RYR2: variants seen among roughly 807,000 people sequenced by gnomAD.
RYR2 encodes the protein cardiac muscle ryanodine receptor-calcium release channel.
RYR2 carries 227 observed loss-of-function variants against 601.1 expected under a neutral mutation model. The observed-to-expected ratio is 0.38, with a 90% CI of 0.34 to 0.42. RYR2 has a LOEUF of 0.42. RYR2 is among the 10% of genes least tolerant of loss of function. The probability of loss-of-function intolerance (pLI) is 1.00; values close to 1 mark genes in which losing one functional copy is unlikely to be tolerated. For missense variants in RYR2, 4,646 were observed against 6,156.5 expected (o/e 0.75, Z 8.21); for synonymous variants, 2,223 against 2,175.1 (o/e 1.02, Z -0.61).
At chr1:237,517,502 A>G (rs1666665261) in intron 24 of RYR2, among the ~76,000 whole-genome samples, 1 of 152,172 alleles carries the variant, frequency 6.6e-6, no homozygotes, top group Non-Finnish European at 1.5e-5. Flanking sequence ...CTAAAACACA[A>G]ATCACAAAAA....
rs747893832 is a variant in RYR2, at chr1:237,500,830, G to T, written c.2323G>T (p.Val775Phe). The change falls in exon 21 of 105, where the codon GTT (valine) becomes TTT (phenylalanine). Residue 775 changes from valine (V) to phenylalanine (F), a missense_variant. Physicochemically the swap from Val to Phe is conservative, Grantham distance 50. Coordinates refer to ENST00000366574, the MANE Select transcript of RYR2 (RefSeq NM_001035.3). Reference sequence around the variant, plus strand: ...CTCGTTCCGAATTAATGGACAACCTGTTCAAGGAATGTTTGAGAATTTCAA... The same window carrying T: ...CTCGTTCCGAATTAATGGACAACCTTTTCAAGGAATGTTTGAGAATTTCAA... ...SISFRINGQP[V>F]QGMFENFNID... The T allele has an allele frequency of 6.2e-7, 1 of 1,614,030 alleles. No individual in the cohort carries two copies. The highest frequency in any genetic ancestry group is 8.5e-7 in the Non-Finnish European group (1 of 1,179,902).
chr1:237,577,529 TGTGTGTGC>T (rs1404678596), intron 29 of RYR2, among the ~76,000 whole-genome samples: 2,288 of 62,960 alleles, frequency 0.036, 55 homozygotes, highest in South Asian at 0.098. Context: ...TGTGTGTGTG[TGTGTGTGC>T]GTGTGTGTGT....
chr1:237,606,393 C>G (rs1677127147), intron 35 of RYR2, among the ~76,000 whole-genome samples: 1 of 152,176 alleles, frequency 6.6e-6, no homozygotes, highest in Non-Finnish European at 1.5e-5. Flanking sequence ...GGATCCCTTC[C>G]TTACACCTTA....
intron 60 of RYR2, among the ~76,000 whole-genome samples, chr1:237,676,516 G>T (rs1314342200): frequency 6.6e-6 from 1 of 152,148 alleles, no homozygotes; most frequent in African/African-American, 2.4e-5. Flanking sequence ...TCCTGATGTT[G>T]TGTGTACCGT....
At chr1:237,321,508 G>A (rs74659606) in intron 2 of RYR2, among the ~76,000 whole-genome samples, 2,791 of 152,296 alleles carry the variant, frequency 0.018, 38 homozygotes, top group Non-Finnish European at 0.025. Context: ...AGTGGGCCAA[G>A]GATGTTGGTA....
intron 1 of RYR2, among the ~76,000 whole-genome samples, chr1:237,191,524 G>A (rs1397189801): frequency 6.6e-6 from 1 of 151,968 alleles, no homozygotes; most frequent in African/African-American, 2.4e-5. Context: ...TGTTTACCAG[G>A]CTGAGCAAGA....
intron 63 of RYR2, among the ~76,000 whole-genome samples, chr1:237,688,865 T>G (rs979219739): frequency 6.6e-6 from 1 of 152,230 alleles, no homozygotes; most frequent in Non-Finnish European, 1.5e-5. Flanking sequence ...TCTATGGTGC[T>G]ATTTCTAACT....
intron 87 of RYR2, among the ~76,000 whole-genome samples, chr1:237,774,171 A>T (rs913543238): frequency 6.6e-6 from 1 of 152,054 alleles, no homozygotes; most frequent in Non-Finnish European, 1.5e-5. Flanking sequence ...GATTTTATAA[A>T]ATTCTGGGTT....
intron 4 of RYR2, among the ~76,000 whole-genome samples, chr1:237,358,632 G>A (rs1181895589): frequency 1.3e-5 from 2 of 151,930 alleles, no homozygotes; most frequent in African/African-American, 2.4e-5. Context: ...GGGAGTTCTT[G>A]GTGGCCTCTG....
At chr1:237,099,412 A>T (rs1386576628) in intron 1 of RYR2, among the ~76,000 whole-genome samples, 1 of 151,676 alleles carries the variant, frequency 6.6e-6, no homozygotes, top group Non-Finnish European at 1.5e-5. Context: ...TAATTTTTAA[A>T]TTTTTCGTAG....
intron 73 of RYR2, among the ~76,000 whole-genome samples, chr1:237,721,058 A>G (rs560205537): frequency 6.6e-6 from 1 of 152,224 alleles, no homozygotes; most frequent in Non-Finnish European, 1.5e-5. Context: ...AGGCATATTA[A>G]TGAGATACAC....
chr1:237,399,758 G>A lies in RYR2; in HGVS notation c.773+11575G>A, dbSNP rs1300688428. Among the ~76,000 whole-genome samples the A allele has an allele frequency of 2.6e-5, 4 of 152,096 alleles. No individual in the cohort carries two copies. In the South Asian group the frequency reaches 8.3e-4, roughly 32 times the overall value. ...TACATATTTTCCTAAATATAGTGGG[G>A]GAGGGGAGGGGAGGTACAGAAGTGG... On this transcript the variant is annotated intron_variant, in intron 10 of 104. Coordinates refer to ENST00000366574, the MANE Select transcript of RYR2 (RefSeq NM_001035.3).
chr1:237,411,201 G>A (rs148274474), intron 10 of RYR2, among the ~76,000 whole-genome samples: 158 of 152,190 alleles, frequency 1.0e-3, no homozygotes, highest in African/African-American at 3.4e-3. Flanking sequence ...AGACTCCAAG[G>A]CAGACACCAA....
At chr1:237,367,337 C>T (rs1411864989) in intron 5 of RYR2, among the ~76,000 whole-genome samples, 1 of 152,132 alleles carries the variant, frequency 6.6e-6, no homozygotes, top group Admixed American at 6.5e-5. Context: ...CACGATCCAC[C>T]TGTCTTGGTC....
intron 3 of RYR2, among the ~76,000 whole-genome samples, chr1:237,338,803 T>A (rs2149603414): frequency 6.6e-6 from 1 of 152,176 alleles, no homozygotes; most frequent in East Asian, 1.9e-4. Context: ...ATGAAAAGAG[T>A]TAATGTTGTG....
At chr1:237,054,453 T>A (rs898784895) in intron 1 of RYR2, among the ~76,000 whole-genome samples, 2 of 152,204 alleles carry the variant, frequency 1.3e-5, no homozygotes, top group Non-Finnish European at 2.9e-5. Flanking sequence ...TTCACTTGTC[T>A]GGGAGCTATC....
At chr1:237,187,130 T>G (rs1679433292) in intron 1 of RYR2, among the ~76,000 whole-genome samples, 1 of 152,102 alleles carries the variant, frequency 6.6e-6, no homozygotes, top group Non-Finnish European at 1.5e-5. Flanking sequence ...CAAATTCAGA[T>G]TAGCCTTGTA....
In RYR2 at chr1:237,601,877, A is replaced by G. The variant is rs1197188868; in HGVS notation, c.4597-148A>G. 2.3e-5 allele frequency: 14 copies of G among 615,066 alleles called. No individual in the cohort carries two copies. The East Asian group carries it at 2.9e-4, about 13-fold the overall frequency. The allele number at this position is 615,066 out of a possible 1,614,324, so 38.1% of individuals were successfully genotyped here. A position where few individuals can be genotyped will look rare whatever the true frequency, so the allele number is the denominator to read the frequency against. On this transcript the variant is annotated intron_variant, in intron 34 of 104. Coordinates refer to ENST00000366574, the MANE Select transcript of RYR2 (RefSeq NM_001035.3). The stretch of plus-strand genomic sequence containing the variant: ...GTTCACATAGTAATGAAATACTCTA[A>G]TTCTTGAAGGAGCACATCAATCGAT...
intron 2 of RYR2, among the ~76,000 whole-genome samples, chr1:237,310,002 C>A (rs1357725382): frequency 6.6e-6 from 1 of 152,204 alleles, no homozygotes; most frequent in African/African-American, 2.4e-5. Context: ...TCCCTCCACA[C>A]CTCCCTGCAA....
Sources: gnomAD v4.1 joint callset for allele counts (sites outside exome capture counted in the v4.1 genomes callset) on GRCh38, gnomAD v4.1.1 for gene constraint, MANE v1.5 for transcripts, NCBI Gene and HGNC (gene_info 2026-07-23, HGNC 2026-07-21) for gene names.